Variants in ODAM observed in about 807,000 individuals in gnomAD.
The protein encoded by ODAM is odontogenic, ameloblast associated, also known as odontogenic ameloblast-associated protein.
A neutral mutation model predicts 48.5 loss-of-function variants in ODAM; 55 were observed. That is an observed-to-expected ratio of 1.13 (90% CI 0.91 to 1.42). The LOEUF (loss-of-function observed/expected upper bound fraction) is 1.42. ODAM is among the 40% of genes most tolerant of loss of function. The probability of loss-of-function intolerance (pLI) is 0.00; values close to 1 mark genes in which losing one functional copy is unlikely to be tolerated. For missense variants in ODAM, 353 were observed against 323.6 expected (o/e 1.09, Z -0.70); for synonymous variants, 127 against 107.8 (o/e 1.18, Z -1.10).
intron 10 of ODAM, 76 bp from the exon 11 acceptor site, chr4:70,203,080 T>C (rs1050338573): frequency 7.2e-7 from 1 of 1,387,726 alleles, no homozygotes; most frequent in Non-Finnish European, 1.0e-6. Flanking sequence ...AAACTTGTTT[T>C]TGATAATCAA....
At chr4:70,202,123 A>T in intron 8 of ODAM, 135 bp from the exon 9 acceptor site, 1 of 660,392 alleles carries the variant, frequency 1.5e-6, no homozygotes, top group Admixed American at 2.5e-5. Context: ...GCAAAAATTA[A>T]ACTATTATTT....
chr4:70,199,503 T>G (rs1357558897), intron 6 of ODAM, among the ~76,000 whole-genome samples: 2 of 152,014 alleles, frequency 1.3e-5, no homozygotes, highest in East Asian at 3.9e-4. Flanking sequence ...CTTAATGAGA[T>G]CAAATTCCTC....
At chr4:70,200,026 A>T in intron 6 of ODAM, 4 of 398,646 alleles carry the variant, frequency 1.0e-5, no homozygotes, top group South Asian at 5.5e-5. Flanking sequence ...AATATCCTAA[A>T]ATATATATGG....
At chr4:70,198,536 C>T (rs755961890) in intron 5 of ODAM, 43 bp from the exon 6 acceptor site, 1 of 1,448,924 alleles carries the variant, frequency 6.9e-7, no homozygotes, top group South Asian at 1.2e-5. Context: ...TTTTAAATAA[C>T]AAAGTCAAGC....
At chr4:70,200,246 C>T in intron 6 of ODAM, 1 of 385,046 alleles carries the variant, frequency 2.6e-6, no homozygotes, top group Non-Finnish European at 4.7e-6. Context: ...AAAAGCTCTT[C>T]TGCTTAGTTC....
intron 6 of ODAM, 49 bp downstream of exon 6, chr4:70,198,675 C>T (rs531125562): frequency 1.4e-6 from 2 of 1,406,566 alleles, no homozygotes; most frequent in South Asian, 2.4e-5. Context: ...CATACACTCT[C>T]CACAATGCTT....
At chr4:70,201,611 T>C (rs1190876287) in intron 8 of ODAM, 110 bp downstream of exon 8, 5 of 663,668 alleles carry the variant, frequency 7.5e-6, no homozygotes, top group African/African-American at 1.9e-5. Context: ...GCACCTCTAA[T>C]TGAACAAAAT....
Position 70,202,887 on chromosome 4 carries a change from A to G in ODAM, c.780A>G (p.Gln260=). Residue 260 remains glutamine (Q), a synonymous_variant, in exon 10 of 12, where the codon CAA becomes CAG. Transcript: ENST00000683306. The stretch of plus-strand genomic sequence containing the variant: ...ATGTTTTCACTTCTGCTGTAGACCA[A>G]ACTATTACCCCAGAGCTCCCAGAAG... ...TTNVFTSAVD[Q]TITPELPEEK... 6.2e-7 allele frequency: 1 copy of G among 1,612,120 alleles called. No homozygotes were observed. The highest frequency in any genetic ancestry group is 8.5e-7 in the Non-Finnish European group (1 of 1,178,916).
chr4:70,197,812 A>T (rs535956397), intron 4 of ODAM, 112 bp from the exon 5 acceptor site: 2 of 761,576 alleles, frequency 2.6e-6, no homozygotes, highest in African/African-American at 3.5e-5. Flanking sequence ...TTATGTTGCA[A>T]CATTGGAACT....
rs1270623696 is a variant in ODAM at position 70,201,454 on chromosome 4, A to G, written c.529A>G (p.Ile177Val). 1 of 1,480,490 alleles carries G rather than the reference A, an allele frequency of 6.8e-7. No homozygotes were observed. The highest frequency in any genetic ancestry group is 1.2e-5 in the South Asian group (1 of 85,806). 91.7% of individuals were successfully genotyped at this position (1,480,490 alleles called of 1,614,324 possible). ...ATACATTTTTTAAAAAATCTGACAGATACCATTCTATGCTCAATTTGGATA... is the reference window on the plus strand; with the variant it reads ...ATACATTTTTTAAAAAATCTGACAGGTACCATTCTATGCTCAATTTGGATA... ...QTRQQQYEEQ[I>V]PFYAQFGYIP... The change falls in exon 8 of 12, where the codon ATA (isoleucine) becomes GTA (valine). Residue 177 changes from isoleucine (I) to valine (V), a missense_variant and splice_region_variant. Ile to Val is a conservative substitution (Grantham distance 29). Transcript: ENST00000683306.
intron 11 of ODAM, 111 bp from the exon 12 acceptor site, chr4:70,204,064 C>T (rs1349705834): frequency 6.6e-6 from 1 of 151,320 alleles, no homozygotes; most frequent in Non-Finnish European, 1.5e-5. Flanking sequence ...GTATGAATGC[C>T]AGTGAAAGAA....
chr4:70,196,290 T>G (rs1245237425), intron 1 of ODAM, among the ~76,000 whole-genome samples: 1 of 152,006 alleles, frequency 6.6e-6, no homozygotes. Flanking sequence ...AAATGAGTAT[T>G]TTGTTCAAGC....
chr4:70,199,780 A>G (rs557260199), intron 6 of ODAM, among the ~76,000 whole-genome samples: 5 of 151,942 alleles, frequency 3.3e-5, no homozygotes, highest in Non-Finnish European at 7.4e-5. Context: ...CTGAAACCCT[A>G]GTTGTTTTTT....
At chr4:70,198,718 T>C (rs1056096244) in intron 6 of ODAM, 92 bp downstream of exon 6, 5 of 930,958 alleles carry the variant, frequency 5.4e-6, no homozygotes, top group Non-Finnish European at 5.1e-6. Flanking sequence ...ATAGCAGGGC[T>C]ATAAAAACCT....
chr4:70,201,711 T>G (rs1729498006), intron 8 of ODAM, among the ~76,000 whole-genome samples: 1 of 151,894 alleles, frequency 6.6e-6, no homozygotes, highest in South Asian at 2.1e-4. Context: ...ACTTCTCACA[T>G]GATTTGGGCT....
intron 3 of ODAM, 124 bp from the exon 4 acceptor site, chr4:70,197,150 A>G (rs1729384495): frequency 3.2e-6 from 2 of 626,074 alleles, no homozygotes; most frequent in South Asian, 2.0e-5. Flanking sequence ...TAGTGAGAAA[A>G]TGTCCCACTT....
At position 70,197,797 on chromosome 4, in the gene ODAM, C is replaced by CT. The variant is rs1178859589; in HGVS notation, c.142-121dup. On this transcript the variant is annotated intron_variant, in intron 4 of 11. Transcript: ENST00000683306. ...GTTCAAAATGAATCAAGATGCTGTC[C>CT]TTTTTTATGTTGCAACATTGGAACT... is the stretch of plus-strand genomic sequence containing the variant. The CT allele has an allele frequency of 4.3e-6, 3 of 705,862 alleles. No homozygotes were observed. The African/African-American group carries it at 5.4e-5, about 13-fold the overall frequency. The allele number at this position is 705,862 out of a possible 1,614,324, so 43.7% of individuals were successfully genotyped here.
intron 7 of ODAM, among the ~76,000 whole-genome samples, chr4:70,200,850 C>G (rs893092749): frequency 3.3e-5 from 5 of 151,712 alleles, no homozygotes; most frequent in Non-Finnish European, 7.4e-5. Flanking sequence ...AGAATCAAGG[C>G]CAAAAAGCTG....
chr4:70,198,669 C>T (rs1348671125), intron 6 of ODAM, 43 bp downstream of exon 6: 2 of 1,443,996 alleles, frequency 1.4e-6, no homozygotes, highest in Non-Finnish European at 1.9e-6. Flanking sequence ...TGGCTACATA[C>T]ACTCTCCACA....
Sources: gnomAD v4.1 joint callset for allele counts (sites outside exome capture counted in the v4.1 genomes callset) on GRCh38, gnomAD v4.1.1 for gene constraint, MANE v1.5 for transcripts, NCBI Gene and HGNC (gene_info 2026-07-23, HGNC 2026-07-21) for gene names.